PDE6A: variants seen among roughly 807,000 people sequenced by gnomAD.
The protein encoded by PDE6A is phosphodiesterase 6A.
A neutral mutation model predicts 106.3 loss-of-function variants in PDE6A; 84 were observed. That is an observed-to-expected ratio of 0.79 (90% CI 0.66 to 0.95). The LOEUF (loss-of-function observed/expected upper bound fraction) is 0.95, where lower values mean the gene tolerates loss of function less well. Among genes scored for constraint, PDE6A ranks in the 40% least tolerant of loss-of-function variants. The pLI is 0.00. For missense variants in PDE6A, 1,052 were observed against 1,084.9 expected (o/e 0.97, Z 0.43); for synonymous variants, 394 against 386.6 (o/e 1.02, Z -0.23).
Position 149,899,472 on chromosome 5 carries a change from G to A in PDE6A, c.1166C>T (p.Pro389Leu), listed in dbSNP as rs1406110455. The A allele has an allele frequency of 6.2e-6, 10 of 1,613,888 alleles. No homozygotes were observed. The highest frequency in any genetic ancestry group is 1.3e-5 in the African/African-American group (1 of 74,994). Residue 389 changes from proline to leucine, a missense_variant, in exon 9 of 22, where the codon CCG becomes CTG. By Grantham distance (98) the Pro-to-Leu change is moderately conservative. Transcript: ENST00000255266. ...GWMIKNVLSM[P>L]IVNKKEEIVG... is the part of the protein sequence containing the mutation. The stretch of plus-strand genomic sequence containing the variant: ...AATTTCTTCCTTCTTGTTCACAATC[G>A]GCATTGAAAGCACATTTTTAATCAT...
chr5:149,889,072 A>ACT (rs1752439780), intron 13 of PDE6A, among the ~76,000 whole-genome samples: 1 of 148,034 alleles, frequency 6.8e-6, no homozygotes, highest in African/African-American at 2.5e-5. Flanking sequence ...ACAGAGTGAG[A>ACT]CTCTGTCTCA....
At chr5:149,906,288 G>A (rs1049662145) in intron 7 of PDE6A, among the ~76,000 whole-genome samples, 2 of 151,604 alleles carry the variant, frequency 1.3e-5, no homozygotes, top group African/African-American at 4.8e-5. Context: ...CACTTTGGGA[G>A]GTTGAGGCAG....
At chr5:149,922,074 A>G (rs2113641447) in intron 4 of PDE6A, among the ~76,000 whole-genome samples, 1 of 152,310 alleles carries the variant, frequency 6.6e-6, no homozygotes, top group African/African-American at 2.4e-5. Context: ...AAGCAGTATC[A>G]TTTATAGTAG....
At chr5:149,920,891 G>A (rs932809248) in intron 5 of PDE6A, among the ~76,000 whole-genome samples, 1 of 147,644 alleles carries the variant, frequency 6.8e-6, no homozygotes, top group Non-Finnish European at 1.5e-5. Flanking sequence ...GAGAGACAGA[G>A]AGAGAGAGAG....
chr5:149,928,231 A>ATATATATCTATTTTTTTTTTT, intron 4 of PDE6A, among the ~76,000 whole-genome samples: 1 of 19,754 alleles, frequency 5.1e-5, no homozygotes, highest in Non-Finnish European at 8.3e-5. Flanking sequence ...ATATATATAT[A>ATATATATCTATTTTTTTTTTT]TTTTTTTTTT....
At chr5:149,914,253 C>T (rs2113627418) in intron 6 of PDE6A, among the ~76,000 whole-genome samples, 1 of 152,296 alleles carries the variant, frequency 6.6e-6, no homozygotes, top group Admixed American at 6.5e-5. Context: ...GGCCTCACTG[C>T]TCACCCTCTG....
intron 4 of PDE6A, among the ~76,000 whole-genome samples, chr5:149,923,776 G>C (rs1461516181): frequency 6.6e-6 from 1 of 152,162 alleles, no homozygotes; most frequent in Admixed American, 6.5e-5. Context: ...GGGCCTGAGA[G>C]AGGGGCTTCC....
chr5:149,920,866 T>C (rs533460856), intron 5 of PDE6A, among the ~76,000 whole-genome samples: 2 of 143,736 alleles, frequency 1.4e-5, no homozygotes, highest in South Asian at 2.2e-4. Context: ...AAAGACCCTA[T>C]CTGAGAGAGA....
In PDE6A at chr5:149,876,498, G is replaced by A. The variant is rs150205950; in HGVS notation, c.2135+6931C>T. ...GGCCTCCCAAGTAGCGTGCACCACCGTACCTGGATAATTTAAATTTTCCAG... is the reference window on the plus strand; with the variant it reads ...GGCCTCCCAAGTAGCGTGCACCACCATACCTGGATAATTTAAATTTTCCAG... On this transcript the variant is annotated intron_variant, in intron 17 of 21. Transcript: ENST00000255266. Among the ~76,000 whole-genome samples the A allele has an allele frequency of 2.0e-5, 3 of 151,762 alleles. No individual in the cohort carries two copies. In the East Asian group the frequency reaches 5.8e-4, roughly 29 times the overall value.
intron 20 of PDE6A, among the ~76,000 whole-genome samples, chr5:149,864,325 G>A (rs557151342): frequency 4.9e-4 from 74 of 151,472 alleles, no homozygotes; most frequent in Non-Finnish European, 6.6e-4. Flanking sequence ...TGCAACCTCC[G>A]CCTCCCAGGT....
At chr5:149,929,468 A>G (rs979620698) in intron 4 of PDE6A, among the ~76,000 whole-genome samples, 1 of 152,048 alleles carries the variant, frequency 6.6e-6, no homozygotes, top group Admixed American at 6.6e-5. Flanking sequence ...TTAGCCAGGC[A>G]TGGTGGTGGG....
chr5:149,940,115 G>C (rs1309052133), intron 1 of PDE6A: 1 of 152,008 alleles, frequency 6.6e-6, no homozygotes, highest in East Asian at 1.9e-4. Flanking sequence ...ATAAACACCT[G>C]TGTACTTGAA....
chr5:149,878,931 C>T (rs562608862), intron 17 of PDE6A, among the ~76,000 whole-genome samples: 1 of 152,162 alleles, frequency 6.6e-6, no homozygotes, highest in Non-Finnish European at 1.5e-5. Context: ...CACTTACTTT[C>T]CTATTTAGAC....
intron 3 of PDE6A, among the ~76,000 whole-genome samples, chr5:149,932,938 G>A (rs553774692): frequency 6.6e-6 from 1 of 152,356 alleles, no homozygotes; most frequent in Non-Finnish European, 1.5e-5. Flanking sequence ...CACAGCACCG[G>A]CGGAGTGGCC....
At position 149,928,209 on chromosome 5, in the gene PDE6A, CTATA is replaced by C. The variant is rs1213238607; in HGVS notation, c.858+2815_858+2818del. Among the ~76,000 whole-genome samples the C allele has an allele frequency of 1.3e-4, 6 of 44,554 alleles. No individual in the cohort carries two copies. In the South Asian group the frequency reaches 2.1e-3, roughly 15 times the overall value. 29.2% of individuals were successfully genotyped at this position (44,554 alleles called of 152,430 possible). ...GTACTACAGCTCATAATTGTATGTG[CTATA>C]TATATATATATATATATATTTTTTT... On this transcript the variant is annotated intron_variant, in intron 4 of 21. Coordinates refer to ENST00000255266, the MANE Select transcript of PDE6A (RefSeq NM_000440.3).
intron 21 of PDE6A, among the ~76,000 whole-genome samples, chr5:149,862,038 A>G (rs10515637): frequency 0.3 from 45,440 of 152,066 alleles, 7,709 homozygotes; most frequent in Middle Eastern, 0.47. Context: ...CCCATTTAGA[A>G]TCAACCCACG....
intron 5 of PDE6A, among the ~76,000 whole-genome samples, chr5:149,916,917 G>A (rs1941311705): frequency 6.6e-6 from 1 of 152,164 alleles, no homozygotes; most frequent in African/African-American, 2.4e-5. Context: ...TAATCCCTGG[G>A]CCGGTGCCTG....
Position 149,884,577 on chromosome 5 carries a change from G to T in PDE6A, c.1929C>A (p.Ser643Arg), listed in dbSNP as rs1173817463. 6.2e-7 allele frequency: 1 copy of T among 1,612,224 alleles called. No homozygotes were observed. The change falls in exon 16 of 22, where the codon AGC becomes AGA. Residue 643 changes from serine (S) to arginine (R), a missense_variant and splice_region_variant. Around this residue, in one of 3 missense-constraint regions of PDE6A, gnomAD observed 913 missense variants for 915.2 expected, o/e 1.00. Transcript: ENST00000255266. Reference protein sequence around the residue: ...EFGKTLLRDESLNIFQNLNRR... With the variant: ...EFGKTLLRDERLNIFQNLNRR... The stretch of plus-strand genomic sequence containing the variant: ...GATTGAGGTTTTGAAAGATATTCAG[G>T]CTCTAAAGAAAAAAAGAGAAGCGAG...
At position 149,907,332 on chromosome 5, in the gene PDE6A, A is replaced by G; in HGVS notation, c.1045T>C (p.Tyr349His). ...CTTACCAGGCCATTCTGGGCAACAT[A>G]AGCTGGGAGACCGCTTACTAAAGCC... ...HWALVSGLPA[Y>H]VAQNGLICNI... The change falls in exon 7 of 22, where the codon TAT becomes CAT. Residue 349 changes from tyrosine (Y) to histidine (H), a missense_variant. Physicochemically the swap from Tyr to His is moderately conservative, Grantham distance 83 (BLOSUM62 2). Coordinates refer to ENST00000255266, the MANE Select transcript of PDE6A (RefSeq NM_000440.3). 6.2e-7 allele frequency: 1 copy of G among 1,613,874 alleles called. No homozygotes were observed. The highest frequency in any genetic ancestry group is 2.2e-5 in the East Asian group (1 of 44,866).
Sources: gnomAD v4.1 joint callset for allele counts (sites outside exome capture counted in the v4.1 genomes callset) on GRCh38, gnomAD v4.1.1 for gene constraint, gnomAD v4.1.1 regional missense constraint, MANE v1.5 for transcripts, NCBI Gene and HGNC (gene_info 2026-07-23, HGNC 2026-07-21) for gene names.